Variants in SUPT3H observed in about 807,000 individuals in gnomAD.
The protein encoded by SUPT3H is SPT3 homolog, SAGA and STAGA complex component, also known as transcription initiation protein SPT3 homolog.
SUPT3H carries 44 observed loss-of-function variants against 44.3 expected under a neutral mutation model. That is an observed-to-expected ratio of 0.99 (90% CI 0.78 to 1.28). SUPT3H has a LOEUF of 1.28. Among genes scored for constraint, SUPT3H ranks in the 50% most tolerant of loss-of-function variants. The probability of loss-of-function intolerance (pLI) is 0.00; values close to 1 mark genes in which losing one functional copy is unlikely to be tolerated. For synonymous variants in SUPT3H, 124 were observed against 125.6 expected (o/e 0.99, Z 0.09); for missense variants, 380 against 387.1 (o/e 0.98, Z 0.15).
chr6:44,820,373 A>G (rs144954588), intron 11 of SUPT3H, among the ~76,000 whole-genome samples: 1 of 152,314 alleles, frequency 6.6e-6, no homozygotes, highest in African/African-American at 2.4e-5. Context: ...ATGTTTTTTA[A>G]AAGAGTTATG....
chr6:44,928,184 C>T (rs549201029), intron 10 of SUPT3H, among the ~76,000 whole-genome samples: 4 of 152,172 alleles, frequency 2.6e-5, no homozygotes, highest in East Asian at 3.9e-4. Context: ...TTCTTAATCA[C>T]CACACAATAT....
At chr6:44,882,211 G>A (rs1294256523) in intron 10 of SUPT3H, among the ~76,000 whole-genome samples, 2 of 151,940 alleles carry the variant, frequency 1.3e-5, no homozygotes, top group African/African-American at 2.4e-5. Context: ...ATATTACCAC[G>A]GATCCCACAT....
intron 3 of SUPT3H, among the ~76,000 whole-genome samples, chr6:45,035,503 T>C (rs529778100): frequency 1.3e-5 from 2 of 152,186 alleles, no homozygotes; most frequent in South Asian, 4.1e-4. Context: ...AGGATGGAGG[T>C]GGAGCTTAGT....
At chr6:45,288,295 T>C (rs937662193) in intron 2 of SUPT3H, among the ~76,000 whole-genome samples, 3 of 151,938 alleles carry the variant, frequency 2.0e-5, no homozygotes, top group Non-Finnish European at 2.9e-5. Context: ...CTGAGAAGCA[T>C]AAATAACGGT....
rs566890191 is a variant in SUPT3H, at chr6:44,969,454, TAAAGA to T, written c.505-7631_505-7627del. 3.9e-3 allele frequency among the ~76,000 whole-genome samples: 593 copies of T among 152,190 alleles called. 7 individuals are homozygous for T. Among genetic ancestry groups the T allele is most frequent in the African/African-American group, 0.014 (564 of 41,516 alleles). On this transcript the variant is annotated intron_variant, in intron 6 of 10. Transcript: ENST00000371459. ...ACAAACAGAAAAAGCATTTCAAAAG[TAAAGA>T]AATCTTCTTTCCTCTTGAGTTAATT...
At chr6:45,344,202 C>G (rs1381849093) in intron 2 of SUPT3H, among the ~76,000 whole-genome samples, 1 of 152,174 alleles carries the variant, frequency 6.6e-6, no homozygotes, top group African/African-American at 2.4e-5. Flanking sequence ...TAGACCATGA[C>G]AAAGTTCCTA....
rs374909903 is a variant in SUPT3H at position 44,981,869 on chromosome 6, GA to G, written c.505-20042del. 8.5e-3 allele frequency among the ~76,000 whole-genome samples: 1,101 copies of G among 129,014 alleles called. 14 individuals are homozygous for G. Among genetic ancestry groups the G allele is most frequent in the African/African-American group, 0.024 (847 of 34,756 alleles). 84.6% of individuals were successfully genotyped at this position (129,014 alleles called of 152,430 possible). A position where few individuals can be genotyped will look rare whatever the true frequency, so the allele number is the denominator to read the frequency against. ...GTGAAACTCCATCTCTACATGACAT[GA>G]AAAAAAAAAAAAAAAGCAAAACTAG... On this transcript the variant is annotated intron_variant, in intron 6 of 10. Transcript: ENST00000371459.
chr6:45,183,101 G>A (rs149995387), intron 2 of SUPT3H, among the ~76,000 whole-genome samples: 5 of 152,276 alleles, frequency 3.3e-5, no homozygotes, highest in Admixed American at 6.5e-5. Context: ...ATGGATAAAC[G>A]AAATGTGGTA....
chr6:45,243,467 T>C (rs181176668), intron 2 of SUPT3H, among the ~76,000 whole-genome samples: 18 of 150,586 alleles, frequency 1.2e-4, no homozygotes, highest in East Asian at 1.2e-3. Flanking sequence ...TTTTAAAAGA[T>C]TGATAAAATC....
intron 6 of SUPT3H, among the ~76,000 whole-genome samples, chr6:44,987,517 T>G (rs78187917): frequency 6.6e-6 from 1 of 152,034 alleles, no homozygotes. Context: ...ACCAATGTAT[T>G]TGGCAACAAT....
chr6:45,369,962 CAG>C (rs1795779861), intron 1 of SUPT3H, among the ~76,000 whole-genome samples: 1 of 152,020 alleles, frequency 6.6e-6, no homozygotes, highest in Non-Finnish European at 1.5e-5. Flanking sequence ...GATATGAACA[CAG>C]GGGTAGCAAG....
At chr6:45,188,267 A>G (rs1284617467) in intron 2 of SUPT3H, among the ~76,000 whole-genome samples, 1 of 152,276 alleles carries the variant, frequency 6.6e-6, no homozygotes, top group Non-Finnish European at 1.5e-5. Context: ...TCTTGATTTA[A>G]CAAGGAAAGG....
intron 10 of SUPT3H, among the ~76,000 whole-genome samples, chr6:44,848,108 G>C (rs1772220646): frequency 6.6e-6 from 1 of 150,558 alleles, no homozygotes; most frequent in East Asian, 2.0e-4. Flanking sequence ...TGGAATTACA[G>C]GTGTGTGCCA....
At chr6:45,133,984 G>A (rs1803881237) in intron 2 of SUPT3H, among the ~76,000 whole-genome samples, 1 of 152,020 alleles carries the variant, frequency 6.6e-6, no homozygotes, top group Non-Finnish European at 1.5e-5. Flanking sequence ...TAAGAGGTGG[G>A]GCCTTTGGGA....
At chr6:44,946,055 AT>A (rs1255046611) in intron 9 of SUPT3H, among the ~76,000 whole-genome samples, 1 of 152,152 alleles carries the variant, frequency 6.6e-6, no homozygotes, top group African/African-American at 2.4e-5. Context: ...TGTTAAATCT[AT>A]TCTGCTTATG....
At chr6:45,356,439 C>T (rs1285505173) in intron 2 of SUPT3H, among the ~76,000 whole-genome samples, 1 of 151,832 alleles carries the variant, frequency 6.6e-6, no homozygotes, top group Non-Finnish European at 1.5e-5. Context: ...ACTCTGTCAC[C>T]CAGGCTGGAG....
At chr6:45,128,723 T>C (rs1802942970) in intron 2 of SUPT3H, among the ~76,000 whole-genome samples, 2 of 150,070 alleles carry the variant, frequency 1.3e-5, no homozygotes, top group African/African-American at 4.9e-5. Context: ...TCTCCTTCTG[T>C]CACCCAGACT....
intron 3 of SUPT3H, among the ~76,000 whole-genome samples, chr6:45,069,752 T>G (rs1794082492): frequency 2.0e-5 from 3 of 152,166 alleles, no homozygotes; most frequent in Non-Finnish European, 4.4e-5. Context: ...AGAGAACTCT[T>G]ATTTATTTAT....
At chr6:44,831,906 T>A (rs763949188) in intron 10 of SUPT3H, among the ~76,000 whole-genome samples, 21 of 152,168 alleles carry the variant, frequency 1.4e-4, no homozygotes, top group East Asian at 3.8e-4. Context: ...GATTTTTTTT[T>A]AATAACTTAT....
Sources: gnomAD v4.1 joint callset for allele counts (sites outside exome capture counted in the v4.1 genomes callset) on GRCh38, gnomAD v4.1.1 for gene constraint, MANE v1.5 for transcripts, NCBI Gene and HGNC (gene_info 2026-07-23, HGNC 2026-07-21) for gene names.